The following MTO1 variants were observed in gnomAD, a reference collection of about 807,000 sequenced individuals.
The protein encoded by MTO1 is mitochondrial tRNA translation optimization 1.
In MTO1, 46 loss-of-function variants were observed where a neutral mutation model predicts 71.6. That is an observed-to-expected ratio of 0.64 (90% CI 0.51 to 0.82). The LOEUF is 0.82. Among genes scored for constraint, MTO1 ranks in the 40% least tolerant of loss-of-function variants. The probability of loss-of-function intolerance (pLI) is 0.00; values close to 1 mark genes in which losing one functional copy is unlikely to be tolerated. For synonymous variants in MTO1, 297 were observed against 312.1 expected (o/e 0.95, Z 0.51); for missense variants, 773 against 867.5 (o/e 0.89, Z 1.37).
chr6:73,480,905 T>A, intron 7 of MTO1, 100 bp downstream of exon 7: 1 of 1,267,678 alleles, frequency 7.9e-7, no homozygotes, highest in Non-Finnish European at 1.1e-6. Context: ...TTAGATACAA[T>A]TCATACTAAT....
chr6:73,475,829 C>T (rs1330733315), intron 4 of MTO1, among the ~76,000 whole-genome samples: 1 of 151,926 alleles, frequency 6.6e-6, no homozygotes, highest in East Asian at 1.9e-4. Context: ...AACTCTTGAC[C>T]TCAGGTGATC....
intron 9 of MTO1, among the ~76,000 whole-genome samples, chr6:73,484,746 A>G (rs1396985906): frequency 1.3e-5 from 2 of 152,108 alleles, no homozygotes; most frequent in Non-Finnish European, 2.9e-5. Context: ...ACATTATTTC[A>G]AAAGTTGGAC....
chr6:73,480,338 TCTCGGCTCAC>T (rs1771452252), intron 6 of MTO1: 1 of 702,056 alleles, frequency 1.4e-6, no homozygotes. Context: ...AATGGTGCGA[TCTCGGCTCAC>T]CACAACCTCC....
At chr6:73,470,719 C>T (rs1238234655) in intron 3 of MTO1, among the ~76,000 whole-genome samples, 10 of 151,958 alleles carry the variant, frequency 6.6e-5, no homozygotes, top group Non-Finnish European at 1.3e-4. Context: ...TTTGGAAGGC[C>T]GAGGCAGGTG....
Position 73,461,926 on chromosome 6 carries a change from G to T in MTO1, c.72G>T (p.Arg24=). ...SFTKQQFPLA[R]LSSDSAAPRT... is the part of the protein sequence containing the mutation. ...CCAAGCAGCAATTTCCGTTGGCACG[G>T]TTGAGCAGTGACAGCGCGGCGCCCC... The change falls in exon 1 of 12, where the codon CGG becomes CGT. Residue 24 remains arginine (R), a synonymous_variant. Coordinates refer to ENST00000498286, the MANE Select transcript of MTO1 (RefSeq NM_012123.4). 1 of 1,614,286 alleles carries T rather than the reference G, an allele frequency of 6.2e-7. No individual in the cohort carries two copies. Among genetic ancestry groups the T allele is most frequent in the Non-Finnish European group, 8.5e-7 (1 of 1,180,052 alleles).
At chr6:73,463,792 A>G (rs925618531) in intron 1 of MTO1, among the ~76,000 whole-genome samples, 15 of 151,948 alleles carry the variant, frequency 9.9e-5, no homozygotes, top group Admixed American at 6.6e-4. Context: ...CCAGGCTAGA[A>G]TGCAGTGGCG....
intron 1 of MTO1, chr6:73,464,250 C>T (rs1770913276): frequency 6.6e-6 from 1 of 151,982 alleles, no homozygotes; most frequent in South Asian, 2.1e-4. Context: ...ATTTGGGGAG[C>T]CCAGGAGTCT....
intron 9 of MTO1, chr6:73,486,842 A>G: frequency 5.8e-6 from 1 of 173,454 alleles, no homozygotes; most frequent in Non-Finnish European, 1.2e-5. Context: ...CTGGAATCCC[A>G]GCACTTTGGG....
In MTO1 at chr6:73,502,482, G is replaced by C. The variant is rs1425765807; in HGVS notation, c.*1747G>C. ...AAAAGAAGGTATTTTGTGTTTTTGT[G>C]CTACCCGTTCAGCAAAATAATGAAA... On this transcript the variant is annotated 3_prime_UTR_variant, in exon 12 of 12. Transcript: ENST00000498286. 6.6e-6 allele frequency: 1 copy of C among 152,074 alleles called. No individual in the cohort carries two copies. The highest frequency in any genetic ancestry group is 1.5e-5 in the Non-Finnish European group (1 of 67,992). 9.4% of individuals were successfully genotyped at this position (152,074 alleles called of 1,614,324 possible).
rs577983150 is a variant in MTO1 at position 73,504,447 on chromosome 6, A to G, written c.*3712A>G. On this transcript the variant is annotated 3_prime_UTR_variant, in exon 12 of 12. Coordinates refer to ENST00000498286, the MANE Select transcript of MTO1 (RefSeq NM_012123.4). ...TGTGCCTGGCCCTACCTTAATGTTA[A>G]TATCTGTCTACCTTAAGAAGATATA... is the stretch of plus-strand genomic sequence containing the variant. The G allele has an allele frequency of 7.9e-5, 12 of 152,286 alleles. 1 individual carries two copies. Among genetic ancestry groups the G allele is most frequent in the Admixed American group, 7.2e-4 (11 of 15,288 alleles). The allele number at this position is 152,286 out of a possible 1,614,324, so 9.4% of individuals were successfully genotyped here.
chr6:73,499,521 C>CAAAA (rs200492522), intron 11 of MTO1, among the ~76,000 whole-genome samples: 37 of 108,862 alleles, frequency 3.4e-4, no homozygotes, highest in African/African-American at 1.1e-3. Flanking sequence ...AACCCTGTCT[C>CAAAA]AAAAAAAAAA....
rs144547416 is a variant in MTO1 at position 73,504,372 on chromosome 6, C to T, written c.*3637C>T. On this transcript the variant is annotated 3_prime_UTR_variant, in exon 12 of 12. Transcript: ENST00000498286. ...TCTCAAAGTCCTGGGCTCAATTAAT[C>T]CTCCCTCTTCAGCCTCCTGTGTAGG... 9 of 152,336 alleles carry T rather than the reference C, an allele frequency of 5.9e-5. No homozygotes were observed. The East Asian group carries it at 1.7e-3, about 29-fold the overall frequency. The allele number at this position is 152,336 out of a possible 1,614,324, so 9.4% of individuals were successfully genotyped here. A position where few individuals can be genotyped will look rare whatever the true frequency, so the allele number is the denominator to read the frequency against.
chr6:73,471,108 G>T (rs1771150758), intron 3 of MTO1, among the ~76,000 whole-genome samples: 1 of 150,160 alleles, frequency 6.7e-6, no homozygotes. Context: ...ATTTTTTGTT[G>T]TTTTCACAAA....
In MTO1 at chr6:73,482,073, G is replaced by C. The variant is rs774315947; in HGVS notation, c.1294G>C (p.Val432Leu). The C allele has an allele frequency of 6.2e-7, 1 of 1,614,122 alleles. No individual in the cohort carries two copies. The highest frequency in any genetic ancestry group is 8.5e-7 in the Non-Finnish European group (1 of 1,180,032). Residue 432 changes from valine to leucine, a missense_variant, in exon 8 of 12, where the codon GTC becomes CTC. Val to Leu is a conservative substitution (Grantham distance 32). Transcript: ENST00000498286. ...AGCCGGAATCAACGCCAGTCTTCGGGTCAGTCGCAAGCCTCCCTTTGTGGT... is the reference window on the plus strand; with the variant it reads ...AGCCGGAATCAACGCCAGTCTTCGGCTCAGTCGCAAGCCTCCCTTTGTGGT... ...VIAGINASLR[V>L]SRKPPFVVSR...
intron 4 of MTO1, 73 bp from the exon 5 acceptor site, chr6:73,479,659 G>A (rs1473195910): frequency 1.1e-5 from 14 of 1,220,260 alleles, no homozygotes; most frequent in Non-Finnish European, 1.7e-5. Context: ...TACGTATCAT[G>A]TGGAATTTAT....
At position 73,480,044 on chromosome 6, in the gene MTO1, A is replaced by G. The variant is rs1203937866; in HGVS notation, c.1047A>G (p.Leu349=). Residue 349 remains leucine, a synonymous_variant, in exon 6 of 12, where the codon TTA becomes TTG. Transcript: ENST00000498286. ...CTGACCTTATCTACCCACAGGGGTT[A>G]TCTATGACGCTACCAGCTGAGTTAC... The part of the protein sequence containing the change: ...MDSDLIYPQG[L]SMTLPAELQE... The G allele has an allele frequency of 1.9e-6, 3 of 1,614,038 alleles. No homozygotes were observed. The African/African-American group carries it at 4.0e-5, about 22-fold the overall frequency.
At chr6:73,479,510 T>TA (rs1198640715) in intron 4 of MTO1, among the ~76,000 whole-genome samples, 3 of 151,508 alleles carry the variant, frequency 2.0e-5, no homozygotes, top group Non-Finnish European at 2.9e-5. Context: ...ATAAAAACAT[T>TA]AAAAAAAAAT....
intron 10 of MTO1, among the ~76,000 whole-genome samples, chr6:73,492,968 A>ATATGTGTGTG (rs1554150368): frequency 1.3e-4 from 9 of 67,850 alleles, no homozygotes; most frequent in Admixed American, 2.1e-4. Flanking sequence ...TATATAATAT[A>ATATGTGTGTG]TGTGTGTGTG....
intron 9 of MTO1, among the ~76,000 whole-genome samples, chr6:73,485,494 A>G (rs1370694093): frequency 6.6e-6 from 1 of 150,464 alleles, no homozygotes; most frequent in East Asian, 2.0e-4. Context: ...GCTGGAGTGC[A>G]ATGGCACAAT....
Sources: gnomAD v4.1 joint callset for allele counts (sites outside exome capture counted in the v4.1 genomes callset) on GRCh38, gnomAD v4.1.1 for gene constraint, MANE v1.5 for transcripts, NCBI Gene and HGNC (gene_info 2026-07-23, HGNC 2026-07-21) for gene names.